The following FAM193A variants were observed in gnomAD, a reference collection of about 807,000 sequenced individuals.
The protein encoded by FAM193A is protein FAM193A.
A neutral mutation model predicts 126.5 loss-of-function variants in FAM193A; 22 were observed. That is an observed-to-expected ratio of 0.17 (90% CI 0.12 to 0.25). FAM193A has a LOEUF of 0.25. FAM193A is among the 10% of genes least tolerant of loss of function. FAM193A has a pLI of 1.00. For synonymous variants in FAM193A, 761 were observed against 646.8 expected (o/e 1.18, Z -2.68); for missense variants, 1,675 against 1,672.8 (o/e 1.00, Z -0.02).
chr4:2,730,417 G>A (rs1214083245), intron 20 of FAM193A, among the ~76,000 whole-genome samples: 3 of 152,132 alleles, frequency 2.0e-5, no homozygotes, highest in Non-Finnish European at 2.9e-5. Context: ...GAGGCCGGGC[G>A]CGGTGGCTCA....
At chr4:2,553,970 A>G (rs1161076915) in intron 1 of FAM193A, among the ~76,000 whole-genome samples, 1 of 152,064 alleles carries the variant, frequency 6.6e-6, no homozygotes, top group African/African-American at 2.4e-5. Flanking sequence ...AGGCCTCCCC[A>G]GGCATGTGGA....
intron 19 of FAM193A, among the ~76,000 whole-genome samples, chr4:2,715,030 T>C (rs1280695421): frequency 6.6e-6 from 1 of 152,188 alleles, no homozygotes. Flanking sequence ...AACAGAGAAG[T>C]AGAAATTCTC....
Position 2,604,680 on chromosome 4 carries a change from T to G in FAM193A, c.501+8351T>G, listed in dbSNP as rs532702463. Reference sequence around the variant, plus strand: ...TTTTTTGCACATCTGCACATCCTTTTAATTTTGATTTCTTTGTGTTAGTCT... The same window carrying G: ...TTTTTTGCACATCTGCACATCCTTTGAATTTTGATTTCTTTGTGTTAGTCT... On this transcript the variant is annotated intron_variant, in intron 2 of 20. Coordinates refer to ENST00000637812, the MANE Select transcript of FAM193A (RefSeq NM_001366318.2). Among the ~76,000 whole-genome samples the G allele has an allele frequency of 3.3e-5, 5 of 150,254 alleles. No homozygotes were observed. The South Asian group carries it at 1.0e-3, about 31-fold the overall frequency.
At chr4:2,689,810 C>T (rs894412057) in intron 14 of FAM193A, 106 bp downstream of exon 14, 1 of 742,328 alleles carries the variant, frequency 1.3e-6, no homozygotes, top group African/African-American at 1.9e-5. Context: ...TAGCCAGCTG[C>T]TGCTCCACCA....
intron 2 of FAM193A, among the ~76,000 whole-genome samples, chr4:2,622,535 C>A (rs974134654): frequency 2.0e-5 from 3 of 152,166 alleles, no homozygotes; most frequent in East Asian, 1.9e-4. Context: ...CTGGCTCTTT[C>A]TTGTTGGTGG....
chr4:2,642,252 G>A (rs1332638731), intron 6 of FAM193A, among the ~76,000 whole-genome samples: 1 of 151,916 alleles, frequency 6.6e-6, no homozygotes, highest in African/African-American at 2.4e-5. Flanking sequence ...GCAGTGAGCC[G>A]AGATCACGCC....
chr4:2,709,045 A>G (rs1577249116), intron 19 of FAM193A, among the ~76,000 whole-genome samples: 1 of 152,118 alleles, frequency 6.6e-6, no homozygotes, highest in African/African-American at 2.4e-5. Context: ...TAGCCACATT[A>G]AAAAAATTTA....
At chr4:2,536,520 G>C (rs1736878606), upstream of FAM193A, 1 of 150,606 alleles carries the variant, frequency 6.6e-6, no homozygotes, top group Non-Finnish European at 1.5e-5. Flanking sequence ...AACGGCAGGA[G>C]GGGGTGGGCA....
intron 20 of FAM193A, chr4:2,719,964 T>C (rs1330086097): frequency 3.3e-6 from 1 of 306,124 alleles, no homozygotes; most frequent in Non-Finnish European, 6.7e-6. Context: ...TAATTTTTTT[T>C]TTCTTCTTTT....
At chr4:2,667,767 A>C (rs1713287563) in intron 12 of FAM193A, among the ~76,000 whole-genome samples, 1 of 152,064 alleles carries the variant, frequency 6.6e-6, no homozygotes, top group African/African-American at 2.4e-5. Flanking sequence ...TATTAAACAA[A>C]AATTTTAGTG....
chr4:2,655,909 A>G (rs1303904465), intron 7 of FAM193A, among the ~76,000 whole-genome samples: 4 of 152,164 alleles, frequency 2.6e-5, no homozygotes, highest in African/African-American at 9.7e-5. Flanking sequence ...AGCCTTGGTG[A>G]CAGAGCAAGA....
At chr4:2,599,998 CA>C (rs1371336638) in intron 2 of FAM193A, among the ~76,000 whole-genome samples, 1 of 152,010 alleles carries the variant, frequency 6.6e-6, no homozygotes, top group African/African-American at 2.4e-5. Context: ...CTCCTGGGTT[CA>C]GGTGATTCTC....
chr4:2,624,990 TG>T (rs1742811192), intron 2 of FAM193A, among the ~76,000 whole-genome samples: 2 of 152,188 alleles, frequency 1.3e-5, no homozygotes, highest in Non-Finnish European at 2.9e-5. Flanking sequence ...CCTGGGTAGC[TG>T]GGACTACAGG....
chr4:2,690,444 T>C (rs1293638040), intron 14 of FAM193A, among the ~76,000 whole-genome samples: 3 of 152,212 alleles, frequency 2.0e-5, no homozygotes, highest in African/African-American at 7.2e-5. Flanking sequence ...ATGGGAGTAA[T>C]AGTACCAACC....
chr4:2,650,508 G>C (rs939265826), intron 7 of FAM193A, among the ~76,000 whole-genome samples: 3 of 152,180 alleles, frequency 2.0e-5, no homozygotes, highest in Non-Finnish European at 4.4e-5. Context: ...GGTGCGGTAG[G>C]GGAAGCCAAG....
intron 19 of FAM193A, among the ~76,000 whole-genome samples, chr4:2,711,974 C>A (rs879824548): frequency 6.6e-6 from 1 of 152,000 alleles, no homozygotes; most frequent in Admixed American, 6.6e-5. Context: ...TTCTTTCACT[C>A]GATAGTGTAA....
intron 2 of FAM193A, chr4:2,615,276 G>T (rs1452885227): frequency 6.6e-6 from 1 of 152,102 alleles, no homozygotes; most frequent in East Asian, 1.9e-4. Context: ...GGTTTCTTAA[G>T]GTGGAAGTTT....
chr4:2,587,380 C>G (rs1740292234), intron 1 of FAM193A, among the ~76,000 whole-genome samples: 1 of 152,186 alleles, frequency 6.6e-6, no homozygotes, highest in African/African-American at 2.4e-5. Context: ...GCCCTCATGA[C>G]CCATGCACTT....
chr4:2,607,879 A>G, intron 2 of FAM193A: 1 of 736,370 alleles, frequency 1.4e-6, no homozygotes, highest in Non-Finnish European at 2.2e-6. Context: ...TATGTGTTGC[A>G]GATATTGCCT....
Sources: allele counts gnomAD v4.1 joint callset (sites outside exome capture counted in the v4.1 genomes callset), GRCh38; gene constraint gnomAD v4.1.1; transcripts MANE v1.5; gene names NCBI Gene and HGNC (gene_info 2026-07-23, HGNC 2026-07-21).